Variants in PLAC1 observed in about 807,000 individuals in gnomAD.
The protein encoded by PLAC1 is placenta associated 1, also known as placenta-specific protein 1.
For synonymous variants in PLAC1, 68 were observed against 62.1 expected, an observed-to-expected ratio of 1.09 and a Z score of -0.44; for missense variants, 136 against 163.2, an observed-to-expected ratio of 0.83 and a Z score of 0.91.
intron 2 of PLAC1, among the ~76,000 whole-genome samples, chrX:134,575,853 G>A (rs1024563206): frequency 9.3e-6 from 1 of 107,943 alleles, no homozygotes; most frequent in African/African-American, 3.4e-5. Flanking sequence ...AAAAGCAATT[G>A]GTTAAACTTG....
intron 2 of PLAC1, among the ~76,000 whole-genome samples, chrX:134,578,515 CTTTTTTT>C (rs766626696): frequency 8.9e-5 from 5 of 55,969 alleles, no homozygotes; most frequent in African/African-American, 2.1e-4. Flanking sequence ...TTCTTTCTTT[CTTTTTTT>C]TTTTTTTTTT....
At chrX:134,635,477 A>G (rs945183821) in intron 1 of PLAC1, among the ~76,000 whole-genome samples, 2 of 110,425 alleles carry the variant, frequency 1.8e-5, no homozygotes, top group African/African-American at 6.6e-5. Context: ...AGTTGGGACC[A>G]CAGTTGTGAT....
intron 1 of PLAC1, among the ~76,000 whole-genome samples, chrX:134,639,720 T>C (rs1455435896): frequency 8.9e-6 from 1 of 111,821 alleles, no homozygotes; most frequent in Non-Finnish European, 1.9e-5. Context: ...CTCTTACCCA[T>C]TAAGCAGATT....
At chrX:134,682,644 C>A (rs961508102) in intron 2 of PLAC1, among the ~76,000 whole-genome samples, 1 of 110,579 alleles carries the variant, frequency 9.0e-6, no homozygotes, top group Non-Finnish European at 1.9e-5. Context: ...CTCCCTCCGC[C>A]TCCTGAGTTC....
intron 2 of PLAC1, among the ~76,000 whole-genome samples, chrX:134,712,760 C>T (rs913961219): frequency 7.8e-4 from 87 of 111,723 alleles, no homozygotes; most frequent in African/African-American, 2.6e-3. Flanking sequence ...ACATAACACA[C>T]GCCTTGTAGG....
rs1347291142 is a variant in PLAC1 at position 134,733,824 on chromosome X, C to A, written n.90-305G>T. Among the ~76,000 whole-genome samples the A allele has an allele frequency of 2.7e-5, 3 of 110,831 alleles. No homozygotes were observed. The East Asian group carries it at 8.5e-4, about 32-fold the overall frequency. On this transcript the variant is annotated intron_variant and non_coding_transcript_variant, in intron 1 of 2. Transcript: ENST00000466797. ...CAGTGAGAGGTGAGAGGGAAAAAAA[C>A]CAGATTGTACTTGTCAGATACTGCA...
intron 2 of PLAC1, among the ~76,000 whole-genome samples, chrX:134,666,672 C>T (rs184609300): frequency 0.043 from 4,833 of 111,802 alleles, 265 homozygotes; most frequent in African/African-American, 0.15. Context: ...TGTAACTTTT[C>T]CACATGATCT....
At chrX:134,740,944 G>A (rs1265018363) in intron 1 of PLAC1, among the ~76,000 whole-genome samples, 3 of 112,009 alleles carry the variant, frequency 2.7e-5, no homozygotes, top group Non-Finnish European at 5.6e-5. Flanking sequence ...CTAGAACTGC[G>A]AAGGAATACA....
At chrX:134,692,045 G>A (rs2078544343) in intron 2 of PLAC1, among the ~76,000 whole-genome samples, 1 of 112,015 alleles carries the variant, frequency 8.9e-6, no homozygotes, top group Admixed American at 9.4e-5. Context: ...CTTCCACATT[G>A]GACAAATGAA....
chrX:134,716,601 T>C (rs1031666639), intron 2 of PLAC1, among the ~76,000 whole-genome samples: 1 of 112,364 alleles, frequency 8.9e-6, no homozygotes, highest in African/African-American at 3.2e-5. Flanking sequence ...ATGGATGTAT[T>C]ATCCAGTGTC....
intron 1 of PLAC1, among the ~76,000 whole-genome samples, chrX:134,749,443 C>T (rs1056215485): frequency 8.9e-6 from 1 of 111,847 alleles, no homozygotes; most frequent in Non-Finnish European, 1.9e-5. Flanking sequence ...TGCAGTGAGA[C>T]ATGTTCAGGC....
intron 2 of PLAC1, among the ~76,000 whole-genome samples, chrX:134,583,169 A>G (rs1007546994): frequency 9.0e-6 from 1 of 111,663 alleles, no homozygotes; most frequent in African/African-American, 3.3e-5. Flanking sequence ...AACAGAGTTC[A>G]TAGCACCTTT....
chrX:134,608,981 C>CT (rs11415313), intron 1 of PLAC1, among the ~76,000 whole-genome samples: 23,056 of 107,813 alleles, frequency 0.21, 2,160 homozygotes, highest in African/African-American at 0.31. Flanking sequence ...GCCTCTTTTT[C>CT]TTTTTTTAGA....
At position 134,565,929 on chromosome X, in the gene PLAC1, T is replaced by G. The variant is rs2077870838; in HGVS notation, c.*115A>C. Reference sequence around the variant, plus strand: ...CTTAATTCATGAAGTTGCTATAGGTTTCTCTTTCTCAAAAGTGCTCACATG... The same window carrying G: ...CTTAATTCATGAAGTTGCTATAGGTGTCTCTTTCTCAAAAGTGCTCACATG... On this transcript the variant is annotated 3_prime_UTR_variant, in exon 3 of 3. Coordinates refer to ENST00000359237, the MANE Select transcript of PLAC1 (RefSeq NM_021796.4). 1 of 540,294 alleles carries G rather than the reference T, an allele frequency of 1.9e-6. No individual in the cohort carries two copies. Among genetic ancestry groups the G allele is most frequent in the Non-Finnish European group, 3.0e-6 (1 of 332,136 alleles). The allele number at this position is 540,294 out of a possible 1,213,427, so 44.5% of individuals were successfully genotyped here.
chrX:134,623,353 C>CA (rs1308083135), intron 1 of PLAC1, among the ~76,000 whole-genome samples: 4 of 112,132 alleles, frequency 3.6e-5, no homozygotes, highest in East Asian at 5.6e-4. Flanking sequence ...TCCAACCTTT[C>CA]AACTCCTGGA....
upstream of PLAC1, among the ~76,000 whole-genome samples, chrX:134,663,457 C>T (rs367903878): frequency 3.2e-4 from 36 of 112,896 alleles, no homozygotes; most frequent in Admixed American, 3.0e-3. Context: ...TGCGCGCACG[C>T]GCGTGCACGT....
chrX:134,760,771 C>T (rs866132827), intron 1 of PLAC1, among the ~76,000 whole-genome samples: 7 of 111,496 alleles, frequency 6.3e-5, no homozygotes, highest in African/African-American at 1.6e-4. Context: ...TCCTTGAATC[C>T]GGGCTAGCTA....
At chrX:134,690,733 A>T (rs28570068) in intron 2 of PLAC1, among the ~76,000 whole-genome samples, 1 of 106,597 alleles carries the variant, frequency 9.4e-6, no homozygotes, top group Admixed American at 1.0e-4. Flanking sequence ...GAGATCCGAA[A>T]CCATCCTGGC....
At chrX:134,623,880 A>T (rs1324835241) in intron 1 of PLAC1, among the ~76,000 whole-genome samples, 2 of 112,019 alleles carry the variant, frequency 1.8e-5, no homozygotes, top group Non-Finnish European at 1.9e-5. Flanking sequence ...TTAAAAGGGA[A>T]ACACAGGGAA....
Sources: allele counts gnomAD v4.1 joint callset (sites outside exome capture counted in the v4.1 genomes callset), GRCh38; gene constraint gnomAD v4.1.1; transcripts MANE v1.5; gene names NCBI Gene and HGNC (gene_info 2026-07-23, HGNC 2026-07-21).